The following DLG1 variants were observed in gnomAD, a reference collection of about 807,000 sequenced individuals.
DLG1 encodes disks large homolog 1.
DLG1 carries 42 observed loss-of-function variants against 123.4 expected under a neutral mutation model. The ratio of observed to expected loss-of-function variants is 0.34; its 90% CI spans 0.27 to 0.44. The LOEUF (loss-of-function observed/expected upper bound fraction) is 0.44, where lower values mean the gene tolerates loss of function less well. DLG1 is among the 20% of genes least tolerant of loss of function. The pLI, the probability that DLG1 is intolerant of heterozygous loss-of-function variation, is 1.00. For missense variants in DLG1, 942 were observed against 1,082.6 expected, an observed-to-expected ratio of 0.87 and a Z score of 1.82; for synonymous variants, 317 against 356.2, an observed-to-expected ratio of 0.89 and a Z score of 1.24.
intron 4 of DLG1, among the ~76,000 whole-genome samples, chr3:197,210,835 C>T (rs1373490220): frequency 6.9e-6 from 1 of 144,486 alleles, no homozygotes; most frequent in Admixed American, 7.0e-5. Context: ...TCAGCATAAC[C>T]TTAATACCAA....
At chr3:197,137,955 G>A (rs1222608467) in intron 9 of DLG1, among the ~76,000 whole-genome samples, 2 of 147,352 alleles carry the variant, frequency 1.4e-5, no homozygotes, top group Admixed American at 6.9e-5. Context: ...CAGGGTGACA[G>A]GGCAAAACCC....
intron 3 of DLG1, among the ~76,000 whole-genome samples, chr3:197,287,214 G>C (rs1050095287): frequency 6.6e-6 from 1 of 151,882 alleles, no homozygotes; most frequent in East Asian, 1.9e-4. Context: ...TATGGGAACT[G>C]TACTTTCCAC....
At chr3:197,173,218 C>T (rs1341388998) in intron 5 of DLG1, among the ~76,000 whole-genome samples, 2 of 152,144 alleles carry the variant, frequency 1.3e-5, no homozygotes, top group Non-Finnish European at 2.9e-5. Flanking sequence ...CTCTAGATTC[C>T]TCATTTAAAG....
At chr3:197,148,262 T>C (rs375454792) in intron 6 of DLG1, among the ~76,000 whole-genome samples, 1 of 51,358 alleles carries the variant, frequency 1.9e-5, no homozygotes, top group African/African-American at 6.9e-5. Context: ...AAAAAAAAAA[T>C]AGCCAGTCAT....
intron 4 of DLG1, among the ~76,000 whole-genome samples, chr3:197,245,904 G>GT (rs1208447833): frequency 2.1e-5 from 3 of 142,290 alleles, no homozygotes; most frequent in African/African-American, 7.7e-5. Context: ...TTTTTTTGGG[G>GT]GGGGGGGAGG....
intron 7 of DLG1, among the ~76,000 whole-genome samples, chr3:197,140,623 A>C (rs1354605555): frequency 1.3e-5 from 2 of 152,226 alleles, no homozygotes; most frequent in Non-Finnish European, 2.9e-5. Flanking sequence ...GGTAGGGCAC[A>C]TCTCTCCTAA....
chr3:197,093,086 CATTT>C (rs1186601233), intron 14 of DLG1, among the ~76,000 whole-genome samples: 1 of 151,992 alleles, frequency 6.6e-6, no homozygotes, highest in Non-Finnish European at 1.5e-5. Flanking sequence ...AATACATTTA[CATTT>C]ATTCCATATT....
intron 4 of DLG1, among the ~76,000 whole-genome samples, chr3:197,267,399 T>C (rs964702119): frequency 7.2e-5 from 11 of 152,300 alleles, no homozygotes; most frequent in African/African-American, 2.6e-4. Context: ...GTCTATAATC[T>C]CTTTTTCCAT....
At chr3:197,138,660 T>G in intron 8 of DLG1, among the ~76,000 whole-genome samples, 1 of 152,186 alleles carries the variant, frequency 6.6e-6, no homozygotes, top group Non-Finnish European at 1.5e-5. Context: ...CAGCTACCAT[T>G]TGCATACTTC....
chr3:197,139,085 G>A (rs1376956030), intron 8 of DLG1, among the ~76,000 whole-genome samples: 1 of 152,156 alleles, frequency 6.6e-6, no homozygotes, highest in Non-Finnish European at 1.5e-5. Flanking sequence ...CGTAGGTAAA[G>A]AACTTATAAT....
chr3:197,130,856 T>C (rs541038041), intron 10 of DLG1, among the ~76,000 whole-genome samples, 185 bp from the exon 11 acceptor site: 20 of 152,346 alleles, frequency 1.3e-4, no homozygotes, highest in Middle Eastern at 3.4e-3. Context: ...TGTGAAGTCG[T>C]TGAATGTTAA....
In DLG1 at chr3:197,095,884, C is replaced by G. The variant is rs545498701; in HGVS notation, c.1547-4858G>C. On this transcript the variant is annotated intron_variant, in intron 14 of 24. Coordinates refer to ENST00000667157, the MANE Select transcript of DLG1 (RefSeq NM_001366207.1). The stretch of plus-strand genomic sequence containing the variant: ...AGTGAGAGTCCCTTGAAGTTAGATT[C>G]TGGGTCCATTTGACATGTCTCCAAC... 8.5e-5 allele frequency among the ~76,000 whole-genome samples: 13 copies of G among 152,294 alleles called. 1 individual carries two copies. The South Asian group carries it at 2.7e-3, about 32-fold the overall frequency.
chr3:197,081,054 T>C lies in DLG1; in HGVS notation c.1902A>G (p.Lys634=). The change falls in exon 17 of 25, where the codon AAA becomes AAG. Residue 634 remains lysine (K), a synonymous_variant. Coordinates refer to ENST00000667157, the MANE Select transcript of DLG1 (RefSeq NM_001366207.1). ...TGTAGAGATTTCAAATACTCACCCC[T>C]TTATCTCTCGTTTTAGAATTGAATT... ...TVKFNSKTRD[K]GQSFNDKRKK... 1 of 1,612,702 alleles carries C rather than the reference T, an allele frequency of 6.2e-7. No individual in the cohort carries two copies. Among genetic ancestry groups the C allele is most frequent in the Non-Finnish European group, 8.5e-7 (1 of 1,179,150 alleles).
At chr3:197,223,300 G>A (rs1044009773) in intron 4 of DLG1, among the ~76,000 whole-genome samples, 1 of 151,858 alleles carries the variant, frequency 6.6e-6, no homozygotes, top group Non-Finnish European at 1.5e-5. Context: ...TTATACACAC[G>A]CATGCACACT....
chr3:197,091,090 G>T (rs971462192), intron 14 of DLG1, 64 bp from the exon 15 acceptor site: 16 of 1,091,878 alleles, frequency 1.5e-5, no homozygotes, highest in Admixed American at 3.5e-5. Context: ...TGAAGATAAC[G>T]TATTAAATAT....
At position 197,130,562 on chromosome 3, in the gene DLG1, A is replaced by G; in HGVS notation, c.1130T>C (p.Met377Thr). The G allele has an allele frequency of 6.2e-7, 1 of 1,612,768 alleles. No individual in the cohort carries two copies. The highest frequency in any genetic ancestry group is 1.1e-5 in the South Asian group (1 of 90,902). Residue 377 changes from methionine to threonine, a missense_variant, in exon 11 of 25, where the codon ATG (methionine) becomes ACG (threonine). Transcript: ENST00000667157. ...ATCAGGTGGTGCATAGCCATCATTC[A>G]TATACATACTTGTGGGTTTTGCCAC... ...LKVAKPTSMY[M>T]NDGYAPPDIT...
At chr3:197,186,950 C>A (rs552678683) in intron 5 of DLG1, among the ~76,000 whole-genome samples, 48 of 152,186 alleles carry the variant, frequency 3.2e-4, no homozygotes, top group African/African-American at 9.9e-4. Flanking sequence ...ACAAAAAAAA[C>A]CCACCAAAAA....
chr3:197,073,659 A>G (rs1488121486), intron 18 of DLG1, among the ~76,000 whole-genome samples: 1 of 152,186 alleles, frequency 6.6e-6, no homozygotes, highest in African/African-American at 2.4e-5. Context: ...TCAATAATTT[A>G]TTTGACTCTC....
chr3:197,184,521 T>C (rs1714606323), intron 5 of DLG1, among the ~76,000 whole-genome samples: 1 of 152,238 alleles, frequency 6.6e-6, no homozygotes, highest in African/African-American at 2.4e-5. Flanking sequence ...CGATAGCGCT[T>C]CATTACAAAT....
Sources: allele counts gnomAD v4.1 joint callset (sites outside exome capture counted in the v4.1 genomes callset), GRCh38; gene constraint gnomAD v4.1.1; transcripts MANE v1.5; gene names NCBI Gene and HGNC (gene_info 2026-07-23, HGNC 2026-07-21).